DPYSL3: variants seen among roughly 807,000 people sequenced by gnomAD.
DPYSL3 encodes the protein dihydropyrimidinase-related protein 3.
In DPYSL3, 16 loss-of-function variants were observed where a neutral mutation model predicts 66.1. The observed-to-expected ratio is 0.24, with a 90% CI of 0.16 to 0.37. The LOEUF is 0.37. DPYSL3 is among the 10% of genes least tolerant of loss of function. The pLI is 1.00. For synonymous variants in DPYSL3, 338 were observed against 345.1 expected, an observed-to-expected ratio of 0.98 and a Z score of 0.23; for missense variants, 738 against 916.2, an observed-to-expected ratio of 0.81 and a Z score of 2.51.
intron 5 of DPYSL3, among the ~76,000 whole-genome samples, chr5:147,413,008 T>C (rs75004446): frequency 0.05 from 7,630 of 152,178 alleles, 466 homozygotes; most frequent in East Asian, 0.19. Context: ...TGAGAGACAG[T>C]CTCAGAATTC....
At chr5:147,409,891 G>A (rs150750894) in intron 6 of DPYSL3, among the ~76,000 whole-genome samples, 2 of 152,216 alleles carry the variant, frequency 1.3e-5, no homozygotes, top group African/African-American at 2.4e-5. Flanking sequence ...GGAAAAGAAC[G>A]TTCTGTTTTT....
Position 147,401,622 on chromosome 5 carries a change from C to A in DPYSL3, c.1228G>T (p.Ala410Ser), listed in dbSNP as rs1234695140. The change falls in exon 9 of 14, where the codon GCC becomes TCC. Residue 410 changes from alanine (A) to serine (S), a missense_variant. Coordinates refer to ENST00000343218, the MANE Select transcript of DPYSL3 (RefSeq NM_001197294.2). Reference sequence around the variant, plus strand: ...GATGTCACAAATGCAGCCGCCTTGGCCCAGTTCTTGCTCCAATAATGGGTT... The same window carrying A: ...GATGTCACAAATGCAGCCGCCTTGGACCAGTTCTTGCTCCAATAATGGGTT... Reference protein sequence around the residue: ...DGTHYWSKNWAKAAAFVTSPP... With the variant: ...DGTHYWSKNWSKAAAFVTSPP... 2 of 1,614,048 alleles carry A rather than the reference C, an allele frequency of 1.2e-6. No individual in the cohort carries two copies. The highest frequency in any genetic ancestry group is 2.2e-5 in the South Asian group (2 of 91,028).
At chr5:147,400,290 A>C (rs1034715379) in intron 10 of DPYSL3, among the ~76,000 whole-genome samples, 1 of 152,202 alleles carries the variant, frequency 6.6e-6, no homozygotes, top group Non-Finnish European at 1.5e-5. Context: ...CTTGATAAGC[A>C]AGATGACTTT....
chr5:147,503,416 C>G (rs1753642876), intron 1 of DPYSL3, among the ~76,000 whole-genome samples: 1 of 152,180 alleles, frequency 6.6e-6, no homozygotes, highest in East Asian at 1.9e-4. Flanking sequence ...ACCTCAGCCT[C>G]CTGGGTAGCT....
intron 8 of DPYSL3, among the ~76,000 whole-genome samples, chr5:147,403,112 G>A (rs80091419): frequency 0.059 from 8,953 of 152,134 alleles, 861 homozygotes; most frequent in African/African-American, 0.2. Context: ...AATAATGCGC[G>A]GGGTCTCAGT....
At chr5:147,423,904 G>A (rs953530788) in intron 2 of DPYSL3, among the ~76,000 whole-genome samples, 114 of 152,210 alleles carry the variant, frequency 7.5e-4, no homozygotes, top group African/African-American at 2.4e-3. Flanking sequence ...TATTAGTAAA[G>A]ACAGGGTTTC....
At chr5:147,414,168 G>A (rs1751916092) in intron 4 of DPYSL3, among the ~76,000 whole-genome samples, 1 of 152,150 alleles carries the variant, frequency 6.6e-6, no homozygotes, top group African/African-American at 2.4e-5. Context: ...AATACATACA[G>A]AGCTCTTAGC....
chr5:147,499,040 T>C (rs1431324808), intron 1 of DPYSL3, among the ~76,000 whole-genome samples: 1 of 152,132 alleles, frequency 6.6e-6, no homozygotes, highest in East Asian at 1.9e-4. Context: ...TCTCCCAGGG[T>C]TTTTAGAGTT....
At chr5:147,442,624 TAATGCAAAGATCTCGGAAAA>T (rs1252620795) in intron 1 of DPYSL3, among the ~76,000 whole-genome samples, 1 of 152,150 alleles carries the variant, frequency 6.6e-6, no homozygotes, top group African/African-American at 2.4e-5. Flanking sequence ...TTTTTGTTGT[TAATGCAAAGATCTCGGAAAA>T]AATCAAAACA....
At chr5:147,413,972 G>T (rs1362631410) in intron 4 of DPYSL3, among the ~76,000 whole-genome samples, 2 of 152,156 alleles carry the variant, frequency 1.3e-5, no homozygotes, top group Non-Finnish European at 2.9e-5. Context: ...GTAGTAGGTG[G>T]CATTAAGAAT....
intron 1 of DPYSL3, among the ~76,000 whole-genome samples, chr5:147,427,430 T>C (rs1752217644): frequency 6.6e-6 from 1 of 152,196 alleles, no homozygotes; most frequent in Non-Finnish European, 1.5e-5. Flanking sequence ...CAGGAGGTTG[T>C]ATTATATCCA....
At chr5:147,412,408 T>G (rs1581179454) in intron 6 of DPYSL3, among the ~76,000 whole-genome samples, 200 bp downstream of exon 6, 2 of 152,250 alleles carry the variant, frequency 1.3e-5, no homozygotes, top group Admixed American at 1.3e-4. Context: ...TTTTACCTCA[T>G]CTTCTAGTTT....
At chr5:147,408,616 G>A in intron 7 of DPYSL3, 112 bp downstream of exon 7, 1 of 1,118,568 alleles carries the variant, frequency 8.9e-7, no homozygotes, top group Non-Finnish European at 1.3e-6. Flanking sequence ...TCAATCAGAA[G>A]TGGTCTTTGG....
chr5:147,412,135 AG>A lies in DPYSL3; in HGVS notation c.963+472del, dbSNP rs1287283617. Among the ~76,000 whole-genome samples the A allele has an allele frequency of 2.0e-5, 3 of 152,184 alleles. No homozygotes were observed. The East Asian group carries it at 5.8e-4, about 29-fold the overall frequency. On this transcript the variant is annotated intron_variant, in intron 6 of 13. Transcript: ENST00000343218. ...CCTCAAGTTTCTCAATATGATTTCT[AG>A]GAATCCAGTGAGACCTTTGCTCCTC...
intron 1 of DPYSL3, among the ~76,000 whole-genome samples, chr5:147,432,235 G>C (rs1752328682): frequency 6.6e-6 from 1 of 152,174 alleles, no homozygotes; most frequent in South Asian, 2.1e-4. Context: ...GGAAAGCACT[G>C]TCTTCACTTT....
intron 1 of DPYSL3, among the ~76,000 whole-genome samples, chr5:147,440,695 G>A (rs1027028162): frequency 1.7e-4 from 26 of 152,274 alleles, no homozygotes; most frequent in African/African-American, 6.0e-4. Flanking sequence ...CCTAAAATCA[G>A]GGGCCAAATA....
intron 1 of DPYSL3, among the ~76,000 whole-genome samples, chr5:147,472,034 A>G (rs1581209843): frequency 6.6e-6 from 1 of 152,178 alleles, no homozygotes; most frequent in Non-Finnish European, 1.5e-5. Flanking sequence ...CTGTGAGACC[A>G]TAGCAATCAA....
chr5:147,459,675 G>A (rs1176839932), intron 1 of DPYSL3, among the ~76,000 whole-genome samples: 5 of 152,084 alleles, frequency 3.3e-5, no homozygotes, highest in Admixed American at 2.0e-4. Flanking sequence ...ACTAGCTTAA[G>A]CAAAGGTATG....
chr5:147,427,968 C>T (rs1432852), intron 1 of DPYSL3, among the ~76,000 whole-genome samples: 10,507 of 152,168 alleles, frequency 0.069, 1,178 homozygotes, highest in African/African-American at 0.24. Flanking sequence ...CCTAAGGACA[C>T]GCAGCCCTGA....
Sources: allele counts gnomAD v4.1 joint callset (sites outside exome capture counted in the v4.1 genomes callset), GRCh38; gene constraint gnomAD v4.1.1; transcripts MANE v1.5; gene names NCBI Gene and HGNC (gene_info 2026-07-23, HGNC 2026-07-21).